The following RNLS variants were observed in gnomAD, a reference collection of about 807,000 sequenced individuals.
The protein encoded by RNLS is renalase.
RNLS carries 39 observed loss-of-function variants against 39.8 expected under a neutral mutation model. That is an observed-to-expected ratio of 0.98 (90% confidence interval 0.76 to 1.28). RNLS has a LOEUF of 1.28. Among genes scored for constraint, RNLS ranks in the 50% most tolerant of loss-of-function variants. The probability of loss-of-function intolerance (pLI) is 0.00; values close to 1 mark genes in which losing one functional copy is unlikely to be tolerated. For missense variants in RNLS, 410 were observed against 413.3 expected, an observed-to-expected ratio of 0.99 and a Z score of 0.07; for synonymous variants, 147 against 150.7, an observed-to-expected ratio of 0.98 and a Z score of 0.18.
chr10:88,176,988 T>G, the RNLS span, among the ~76,000 whole-genome samples: 1 of 152,314 alleles, frequency 6.6e-6, no homozygotes, highest in South Asian at 2.1e-4. Context: ...ACTTGATGCT[T>G]TTCTGTTTTT....
chr10:88,220,023 C>T, the RNLS span, among the ~76,000 whole-genome samples: 15 of 152,250 alleles, frequency 9.9e-5, 1 homozygote, highest in African/African-American at 3.4e-4. Flanking sequence ...ACTCCCTTCC[C>T]ACTGAACAAG....
chr10:88,384,673 C>T (rs116796181), intron 4 of RNLS, among the ~76,000 whole-genome samples: 1 of 152,118 alleles, frequency 6.6e-6, no homozygotes, highest in Non-Finnish European at 1.5e-5. Flanking sequence ...CAGAAATGGC[C>T]TGGAAGTTCA....
chr10:88,421,040 C>G (rs1017725915), intron 4 of RNLS, among the ~76,000 whole-genome samples: 1 of 152,200 alleles, frequency 6.6e-6, no homozygotes, highest in African/African-American at 2.4e-5. Flanking sequence ...GAACGTCCCA[C>G]CCCTGTTTCA....
intron 3 of RNLS, among the ~76,000 whole-genome samples, chr10:88,580,092 T>C (rs1370288668): frequency 2.0e-5 from 3 of 152,192 alleles, no homozygotes; most frequent in African/African-American, 7.2e-5. Context: ...ACTAGAAGTA[T>C]ACCACCAGCT....
the RNLS span, among the ~76,000 whole-genome samples, chr10:88,204,750 T>C: frequency 6.6e-6 from 1 of 152,212 alleles, no homozygotes; most frequent in Non-Finnish European, 1.5e-5. Flanking sequence ...TGATTCCAAA[T>C]AGTAGTTTTA....
At chr10:88,520,088 G>C (rs560057476) in intron 4 of RNLS, among the ~76,000 whole-genome samples, 2 of 151,984 alleles carry the variant, frequency 1.3e-5, no homozygotes, top group Admixed American at 1.3e-4. Flanking sequence ...CAGCTGTCTG[G>C]AAGTGCCTCA....
intron 4 of RNLS, among the ~76,000 whole-genome samples, chr10:88,387,661 C>G (rs1334435389): frequency 6.6e-6 from 1 of 152,096 alleles, no homozygotes; most frequent in Non-Finnish European, 1.5e-5. Context: ...TGCAGGGCTC[C>G]CAGAAGTTAA....
intron 4 of RNLS, among the ~76,000 whole-genome samples, chr10:88,462,392 G>T (rs1289125332): frequency 6.6e-6 from 1 of 151,888 alleles, no homozygotes; most frequent in Non-Finnish European, 1.5e-5. Context: ...GATAACATTT[G>T]ATTTGAGACA....
rs576369366 is a variant in RNLS, at chr10:88,341,277, C to T, written c.700+21275G>A. Among the ~76,000 whole-genome samples the T allele has an allele frequency of 3.8e-3, 536 of 142,414 alleles. 2 individuals are homozygous for T. The highest frequency in any genetic ancestry group is 0.013 in the African/African-American group (490 of 38,008). 93.4% of individuals were successfully genotyped at this position (142,414 alleles called of 152,430 possible). On this transcript the variant is annotated intron_variant, in intron 5 of 6. Transcript: ENST00000331772. ...CTGGAAAGCAGAGGTTGCGGTGAGC[C>T]GAGATCATGCCATTGCACTCCAGCC...
chr10:88,464,085 G>C (rs936346381), intron 4 of RNLS, among the ~76,000 whole-genome samples: 2 of 152,058 alleles, frequency 1.3e-5, no homozygotes, highest in Admixed American at 1.3e-4. Context: ...CCTTGGACAA[G>C]TGCTTAATTT....
intron 4 of RNLS, among the ~76,000 whole-genome samples, chr10:88,461,046 C>A (rs1842909000): frequency 6.6e-6 from 1 of 152,104 alleles, no homozygotes; most frequent in Non-Finnish European, 1.5e-5. Flanking sequence ...GAAGAAGTGG[C>A]TTCTATGGTG....
chr10:88,488,303 T>G (rs1174436347), intron 4 of RNLS, among the ~76,000 whole-genome samples: 2 of 152,050 alleles, frequency 1.3e-5, no homozygotes, highest in Non-Finnish European at 2.9e-5. Flanking sequence ...TCCCAGCACT[T>G]TGGGAGGCCA....
chr10:88,333,936 T>C (rs1345157461), intron 5 of RNLS, among the ~76,000 whole-genome samples: 1 of 152,174 alleles, frequency 6.6e-6, no homozygotes, highest in African/African-American at 2.4e-5. Context: ...TCTACCAGTA[T>C]CTTGATCTTG....
intron 1 of RNLS, among the ~76,000 whole-genome samples, chr10:88,582,776 T>C (rs1318469364): frequency 6.6e-6 from 1 of 152,104 alleles, no homozygotes; most frequent in Non-Finnish European, 1.5e-5. Context: ...CAAACTCGGG[T>C]CGGGGCCCCT....
chr10:88,459,120 T>C (rs999999276), intron 4 of RNLS, among the ~76,000 whole-genome samples: 1 of 149,332 alleles, frequency 6.7e-6, no homozygotes, highest in Non-Finnish European at 1.5e-5. Context: ...TTTTTTTTGA[T>C]GGTAAAGAGG....
the RNLS span, among the ~76,000 whole-genome samples, chr10:88,258,237 G>A: frequency 6.6e-6 from 1 of 152,190 alleles, no homozygotes; most frequent in African/African-American, 2.4e-5. Flanking sequence ...TATTGTGACT[G>A]ACGGTGACAT....
At chr10:88,570,945 T>C (rs978330009) in intron 4 of RNLS, among the ~76,000 whole-genome samples, 1 of 151,182 alleles carries the variant, frequency 6.6e-6, no homozygotes, top group East Asian at 1.9e-4. Flanking sequence ...AAATAGTACA[T>C]CTAATATGTT....
intron 4 of RNLS, among the ~76,000 whole-genome samples, chr10:88,564,047 T>C (rs1455583647): frequency 6.6e-6 from 1 of 152,196 alleles, no homozygotes; most frequent in Non-Finnish European, 1.5e-5. Context: ...CTATTGGCAT[T>C]GTAGATCTGT....
At chr10:88,244,239 C>T in the RNLS span, among the ~76,000 whole-genome samples, 1 of 152,170 alleles carries the variant, frequency 6.6e-6, no homozygotes, top group Non-Finnish European at 1.5e-5. Context: ...ATGAGTAGGA[C>T]ATAACTGCCC....
Sources: gnomAD v4.1 joint callset for allele counts (sites outside exome capture counted in the v4.1 genomes callset) on GRCh38, gnomAD v4.1.1 for gene constraint, MANE v1.5 for transcripts, NCBI Gene and HGNC (gene_info 2026-07-23, HGNC 2026-07-21) for gene names.